Variants in SLC25A13 observed in about 807,000 individuals in gnomAD.
SLC25A13 encodes the protein electrogenic aspartate/glutamate antiporter SLC25A13, mitochondrial.
SLC25A13 carries 70 observed loss-of-function variants against 85.5 expected under a neutral mutation model. The ratio of observed to expected loss-of-function variants is 0.82; its 90% CI spans 0.68 to 1.00. The LOEUF (loss-of-function observed/expected upper bound fraction) is 1.00. SLC25A13 is among the 50% of genes least tolerant of loss of function. The probability of loss-of-function intolerance (pLI) is 0.00; values close to 1 mark genes in which losing one functional copy is unlikely to be tolerated. For missense variants in SLC25A13, 765 were observed against 819.8 expected (o/e 0.93, Z 0.82); for synonymous variants, 259 against 288.7 (o/e 0.90, Z 1.04).
chr7:96,154,705 G>T (rs1177793153), intron 13 of SLC25A13, among the ~76,000 whole-genome samples: 4 of 152,056 alleles, frequency 2.6e-5, no homozygotes, highest in Admixed American at 2.0e-4. Flanking sequence ...CACATATCTG[G>T]TAACATCCTA....
At chr7:96,289,443 G>A (rs751908068) in intron 2 of SLC25A13, among the ~76,000 whole-genome samples, 3 of 152,160 alleles carry the variant, frequency 2.0e-5, no homozygotes, top group African/African-American at 7.2e-5. Context: ...GAAGGCTTCA[G>A]ACGATCAAAC....
intron 1 of SLC25A13, among the ~76,000 whole-genome samples, chr7:96,305,833 C>T (rs1490101140): frequency 6.6e-6 from 1 of 152,166 alleles, no homozygotes; most frequent in African/African-American, 2.4e-5. Flanking sequence ...ATATGCCTTA[C>T]CTGTCCAAAT....
intron 3 of SLC25A13, among the ~76,000 whole-genome samples, chr7:96,248,464 T>G (rs959770077): frequency 5.3e-5 from 8 of 152,156 alleles, no homozygotes; most frequent in African/African-American, 1.9e-4. Context: ...GGGAATGAGA[T>G]TCCAGATACT....
rs1562828530 is a variant in SLC25A13 at position 96,189,551 on chromosome 7, C to A, written c.848+30G>T. 11 of 1,363,566 alleles carry A rather than the reference C, an allele frequency of 8.1e-6. No homozygotes were observed. The African/African-American group carries it at 9.3e-5, about 12-fold the overall frequency. The allele number at this position is 1,363,566 out of a possible 1,614,324, so 84.5% of individuals were successfully genotyped here. ...CTAACCTCCTTTTATTAAGCTAATT[C>A]CAAAAAAAAAAAAAAAAAAGCCAAC... is the stretch of plus-strand genomic sequence containing the variant. On this transcript the variant is annotated intron_variant, in intron 8 of 17. Transcript: ENST00000265631.
At chr7:96,154,639 A>T (rs1793183670) in intron 13 of SLC25A13, among the ~76,000 whole-genome samples, 1 of 152,136 alleles carries the variant, frequency 6.6e-6, no homozygotes, top group Non-Finnish European at 1.5e-5. Context: ...CTTTGCACAC[A>T]GTCAATGGTA....
chr7:96,170,720 G>A (rs1793958447), intron 12 of SLC25A13, among the ~76,000 whole-genome samples: 1 of 152,194 alleles, frequency 6.6e-6, no homozygotes, highest in Non-Finnish European at 1.5e-5. Flanking sequence ...GGCCAGAGAA[G>A]ATTAGCTATC....
chr7:96,220,405 C>A (rs746685360), intron 4 of SLC25A13, among the ~76,000 whole-genome samples: 8 of 152,100 alleles, frequency 5.3e-5, no homozygotes, highest in Non-Finnish European at 8.8e-5. Context: ...GTCTAAGTAT[C>A]CACCCCCAAC....
chr7:96,192,479 C>T (rs1794894083), intron 6 of SLC25A13, among the ~76,000 whole-genome samples: 1 of 152,070 alleles, frequency 6.6e-6, no homozygotes, highest in Non-Finnish European at 1.5e-5. Context: ...GAACCACCAC[C>T]ACAGAATGTT....
chr7:96,168,121 A>AGG (rs1793842495), intron 13 of SLC25A13, among the ~76,000 whole-genome samples: 1 of 144,606 alleles, frequency 6.9e-6, no homozygotes, highest in Non-Finnish European at 1.5e-5. Context: ...AAAAAAAAAA[A>AGG]AAAAAAAAGC....
At chr7:96,296,615 G>A (rs1035684395) in intron 2 of SLC25A13, among the ~76,000 whole-genome samples, 5 of 151,884 alleles carry the variant, frequency 3.3e-5, no homozygotes, top group African/African-American at 7.3e-5. Context: ...TGAATAGCCA[G>A]GATTACAGGC....
rs769297213 is a variant in SLC25A13 at position 96,184,945 on chromosome 7, G to T, written c.1000C>A (p.Leu334Met). 3 of 1,614,032 alleles carry T rather than the reference G, an allele frequency of 1.9e-6. No homozygotes were observed. In the African/African-American group the frequency reaches 4.0e-5, roughly 22 times the overall value. ...GACTAACCTCCAGCAACAGAACCCA[G>T]ACCAAACCTGTAGGCCGACTCTGCA... ...QVAESAYRFG[L>M]GSVAGAVGAT... is the part of the protein sequence containing the mutation. Residue 334 changes from leucine to methionine, a missense_variant, in exon 10 of 18, where the codon CTG becomes ATG. Leu to Met is a conservative substitution (Grantham distance 15). Coordinates refer to ENST00000265631, the MANE Select transcript of SLC25A13 (RefSeq NM_014251.3).
intron 15 of SLC25A13, among the ~76,000 whole-genome samples, chr7:96,125,674 A>G (rs1397064082): frequency 1.3e-5 from 2 of 151,860 alleles, no homozygotes; most frequent in Non-Finnish European, 1.5e-5. Context: ...TTAGATTTCC[A>G]AGATTAATTC....
chr7:96,189,817 G>A, intron 7 of SLC25A13, 143 bp from the exon 8 acceptor site: 1 of 780,220 alleles, frequency 1.3e-6, no homozygotes, highest in Non-Finnish European at 2.2e-6. Context: ...ATCCAAATAA[G>A]GTAAGAATTT....
intron 4 of SLC25A13, among the ~76,000 whole-genome samples, chr7:96,221,274 A>G (rs1052389394): frequency 4.6e-5 from 7 of 152,200 alleles, no homozygotes; most frequent in African/African-American, 1.7e-4. Flanking sequence ...CATAGAGACT[A>G]TTTACTTTCA....
intron 5 of SLC25A13, among the ~76,000 whole-genome samples, chr7:96,208,558 T>C (rs540508819): frequency 2.0e-5 from 3 of 151,380 alleles, no homozygotes; most frequent in South Asian, 4.2e-4. Flanking sequence ...CAGGCCGGAC[T>C]GCAGTGGTGC....
At position 96,191,123 on chromosome 7, in the gene SLC25A13, A is replaced by G. The variant is rs1794830033; in HGVS notation, c.740T>C (p.Val247Ala). Residue 247 changes from valine (V) to alanine (A), a missense_variant, in exon 7 of 18, where the codon GTT (valine) becomes GCT (alanine). Physicochemically the swap from Val to Ala is moderately conservative, Grantham distance 64. Coordinates refer to ENST00000265631, the MANE Select transcript of SLC25A13 (RefSeq NM_014251.3). ...YSTLAGTRKD[V>A]EVTKEEFVLA... Reference sequence around the variant, plus strand: ...TTCTCACTCACCCTTAGTCACTTCAACATCTTTCCTGGTGCCAGCCAGAGT... The same window carrying G: ...TTCTCACTCACCCTTAGTCACTTCAGCATCTTTCCTGGTGCCAGCCAGAGT... The G allele has an allele frequency of 1.1e-5, 18 of 1,614,054 alleles. No homozygotes were observed. Among genetic ancestry groups the G allele is most frequent in the Non-Finnish European group, 1.5e-5 (18 of 1,179,992 alleles).
At chr7:96,228,817 C>T (rs115989498) in intron 4 of SLC25A13, among the ~76,000 whole-genome samples, 2,939 of 152,286 alleles carry the variant, frequency 0.019, 92 homozygotes, top group African/African-American at 0.066. Context: ...TGGCCAGCAC[C>T]GCCAGCCCTG....
chr7:96,233,085 A>G (rs372492412), intron 4 of SLC25A13, among the ~76,000 whole-genome samples: 2 of 152,226 alleles, frequency 1.3e-5, no homozygotes, highest in South Asian at 2.1e-4. Flanking sequence ...AGATGGATCT[A>G]TATCAAGGAA....
chr7:96,199,013 G>C (rs1012725134), intron 5 of SLC25A13, among the ~76,000 whole-genome samples: 2 of 152,216 alleles, frequency 1.3e-5, no homozygotes, highest in Non-Finnish European at 2.9e-5. Flanking sequence ...GGATTTTAGA[G>C]AAAACATCAC....
Sources: gnomAD v4.1 joint callset for allele counts (sites outside exome capture counted in the v4.1 genomes callset) on GRCh38, gnomAD v4.1.1 for gene constraint, MANE v1.5 for transcripts, NCBI Gene and HGNC (gene_info 2026-07-23, HGNC 2026-07-21) for gene names.